Variants in MXI1 observed in about 807,000 individuals in gnomAD.
MXI1 encodes the protein MAX interactor 1, dimerization protein.
A neutral mutation model predicts 36.9 loss-of-function variants in MXI1; 18 were observed. That is an observed-to-expected ratio of 0.49 (90% CI 0.34 to 0.72). The LOEUF (loss-of-function observed/expected upper bound fraction) is 0.72, where lower values mean the gene tolerates loss of function less well. MXI1 is among the 30% of genes least tolerant of loss of function. MXI1 has a pLI of 0.01. For synonymous variants in MXI1, 160 were observed against 146.7 expected, an observed-to-expected ratio of 1.09 and a Z score of -0.65; for missense variants, 304 against 379.1, an observed-to-expected ratio of 0.80 and a Z score of 1.64.
At chr10:110,284,236 T>C (rs141350885) in intron 5 of MXI1, among the ~76,000 whole-genome samples, 1 of 152,114 alleles carries the variant, frequency 6.6e-6, no homozygotes, top group Non-Finnish European at 1.5e-5. Context: ...TATTTCAAGC[T>C]ATATTTGATG....
intron 1 of MXI1, among the ~76,000 whole-genome samples, chr10:110,223,859 C>T (rs1383727658): frequency 1.3e-5 from 2 of 151,428 alleles, no homozygotes; most frequent in Non-Finnish European, 2.9e-5. Context: ...CTTGCGAACA[C>T]CTCTCATTTT....
At chr10:110,271,728 T>A (rs1424067003) in intron 3 of MXI1, among the ~76,000 whole-genome samples, 1 of 152,212 alleles carries the variant, frequency 6.6e-6, no homozygotes, top group African/African-American at 2.4e-5. Context: ...GTAAAGATTA[T>A]ACTACTGACA....
intron 5 of MXI1, among the ~76,000 whole-genome samples, chr10:110,283,617 TGA>T (rs1857338878): frequency 6.6e-6 from 1 of 151,988 alleles, no homozygotes. Flanking sequence ...GTGCCAAATG[TGA>T]AACATCAGGC....
chr10:110,245,889 T>C (rs1344748773), intron 3 of MXI1: 41 of 151,970 alleles, frequency 2.7e-4, no homozygotes, highest in Admixed American at 2.7e-3. Context: ...TCAATAGAAA[T>C]TGGTGATTAG....
intron 1 of MXI1, among the ~76,000 whole-genome samples, chr10:110,218,233 G>A (rs1197423367): frequency 6.6e-6 from 1 of 152,032 alleles, no homozygotes; most frequent in African/African-American, 2.4e-5. Flanking sequence ...GGCGGATCAC[G>A]AGGTCAGGAG....
chr10:110,262,370 T>C (rs1856547202), intron 3 of MXI1, among the ~76,000 whole-genome samples: 1 of 152,242 alleles, frequency 6.6e-6, no homozygotes, highest in South Asian at 2.1e-4. Flanking sequence ...ACTTCAGCAT[T>C]TGGGGATTTT....
intron 1 of MXI1, among the ~76,000 whole-genome samples, chr10:110,219,934 G>A (rs1488189845): frequency 6.6e-6 from 1 of 152,204 alleles, no homozygotes; most frequent in East Asian, 1.9e-4. Context: ...GAATATGGCA[G>A]GATTTAACAT....
chr10:110,225,870 T>G (rs1854944533), intron 1 of MXI1: 1 of 373,082 alleles, frequency 2.7e-6, no homozygotes, highest in African/African-American at 2.2e-5. Context: ...AAACGGCGTG[T>G]GCACTACGAT....
intron 2 of MXI1, among the ~76,000 whole-genome samples, chr10:110,236,394 C>T (rs983143816): frequency 1.1e-4 from 16 of 151,716 alleles, no homozygotes; most frequent in Non-Finnish European, 1.0e-4. Flanking sequence ...GAATGTATTC[C>T]GACTTGGTTC....
At chr10:110,244,013 G>T (rs1467425890) in intron 2 of MXI1, among the ~76,000 whole-genome samples, 1 of 152,008 alleles carries the variant, frequency 6.6e-6, no homozygotes, top group Non-Finnish European at 1.5e-5. Context: ...TGGGAGAGGA[G>T]TATATTTCTT....
At chr10:110,272,173 A>G (rs903721033) in intron 3 of MXI1, among the ~76,000 whole-genome samples, 2 of 152,226 alleles carry the variant, frequency 1.3e-5, no homozygotes, top group African/African-American at 4.8e-5. Flanking sequence ...AAAATCTGAA[A>G]CATTTTGAGT....
rs1857415733 is a variant in MXI1, at chr10:110,285,849, G to T, written c.*862G>T. ...GAAGAGTTGTGCACGCAGATTAGCA[G>T]GCCAAGGTCTGAGCCACAGCAGCAT... On this transcript the variant is annotated 3_prime_UTR_variant, in exon 6 of 6. Transcript: ENST00000332674. The T allele has an allele frequency of 6.6e-6, 1 of 152,560 alleles. No individual in the cohort carries two copies. The highest frequency in any genetic ancestry group is 2.4e-5 in the African/African-American group (1 of 41,412). 9.5% of individuals were successfully genotyped at this position (152,560 alleles called of 1,614,324 possible). A position where few individuals can be genotyped will look rare whatever the true frequency, so the allele number is the denominator to read the frequency against.
At chr10:110,259,291 A>G (rs1000190155) in intron 3 of MXI1, among the ~76,000 whole-genome samples, 3 of 152,102 alleles carry the variant, frequency 2.0e-5, no homozygotes, top group African/African-American at 4.8e-5. Flanking sequence ...GATATTTTAG[A>G]TGATGCAATG....
intron 2 of MXI1, among the ~76,000 whole-genome samples, chr10:110,237,396 A>G (rs562269510): frequency 3.9e-5 from 6 of 152,168 alleles, no homozygotes; most frequent in African/African-American, 1.2e-4. Context: ...TTTATCATGA[A>G]TGGATGGTAA....
intron 1 of MXI1, chr10:110,225,929 G>A (rs1402185950): frequency 4.8e-6 from 4 of 826,240 alleles, no homozygotes; most frequent in Non-Finnish European, 5.8e-6. Context: ...AGGGGGCAGA[G>A]GCAGGGGCGG....
intron 1 of MXI1, chr10:110,227,491 C>A: frequency 3.0e-6 from 3 of 986,090 alleles, no homozygotes; most frequent in Non-Finnish European, 1.2e-6. Context: ...CGGTCTGGGG[C>A]TGGAGAGAGG....
At chr10:110,214,766 A>G (rs1255681019) in intron 1 of MXI1, among the ~76,000 whole-genome samples, 1 of 151,532 alleles carries the variant, frequency 6.6e-6, no homozygotes, top group African/African-American at 2.4e-5. Flanking sequence ...GTCAGGCCTG[A>G]CACACCTAAC....
At chr10:110,218,240 G>T (rs1318234019) in intron 1 of MXI1, among the ~76,000 whole-genome samples, 1 of 152,126 alleles carries the variant, frequency 6.6e-6, no homozygotes, top group Non-Finnish European at 1.5e-5. Context: ...CACGAGGTCA[G>T]GAGATCGAGA....
chr10:110,262,813 C>T lies in MXI1; in HGVS notation c.438-16367C>T, dbSNP rs867713679. Among the ~76,000 whole-genome samples the T allele has an allele frequency of 4.6e-5, 7 of 152,120 alleles. No homozygotes were observed. The South Asian group carries it at 6.2e-4, about 14-fold the overall frequency. On this transcript the variant is annotated intron_variant, in intron 3 of 5. Transcript: ENST00000332674. ...GGATGAGAAACTAGGTTTTCTGATTCGCAGACCAGAGTTTTTTACACTACC... is the reference window on the plus strand; with the variant it reads ...GGATGAGAAACTAGGTTTTCTGATTTGCAGACCAGAGTTTTTTACACTACC...
Sources: gnomAD v4.1 joint callset for allele counts (sites outside exome capture counted in the v4.1 genomes callset) on GRCh38, gnomAD v4.1.1 for gene constraint, MANE v1.5 for transcripts, NCBI Gene and HGNC (gene_info 2026-07-23, HGNC 2026-07-21) for gene names.